PCDHGA3: variants seen among roughly 807,000 people sequenced by gnomAD.
PCDHGA3 encodes the protein protocadherin gamma-A3.
A neutral mutation model predicts 58.5 loss-of-function variants in PCDHGA3; 40 were observed. The observed-to-expected ratio is 0.68, with a 90% CI of 0.53 to 0.89. The LOEUF is 0.89. Among genes scored for constraint, PCDHGA3 ranks in the 40% least tolerant of loss-of-function variants. The probability of loss-of-function intolerance (pLI) is 0.00; values close to 1 mark genes in which losing one functional copy is unlikely to be tolerated. For missense variants in PCDHGA3, 1,223 were observed against 1,195.9 expected (o/e 1.02, Z -0.33); for synonymous variants, 530 against 525.7 (o/e 1.01, Z -0.11).
chr5:141,491,034 T>A lies in PCDHGA3; in HGVS notation c.2425-3773T>A. On this transcript the variant is annotated intron_variant, in intron 1 of 3. Coordinates refer to ENST00000253812, the MANE Select transcript of PCDHGA3 (RefSeq NM_018916.4). This position sits in a 1 kb window ranked among gnomAD's most constrained non-coding sequence, Gnocchi z 6.9. ...CCAAGGTGACAGCCGTGGATGCTGA[T>A]GCAGGCCACAATGCGTGGCTCTCCT... 1 of 1,614,170 alleles carries A rather than the reference T, an allele frequency of 6.2e-7. No individual in the cohort carries two copies. Among genetic ancestry groups the A allele is most frequent in the African/African-American group, 1.3e-5 (1 of 75,074 alleles).
At position 141,418,023 on chromosome 5, in the gene PCDHGA3, G is replaced by A. The variant is rs375588252; in HGVS notation, c.2424+71566G>A. 244 of 1,613,996 alleles carry A rather than the reference G, an allele frequency of 1.5e-4. No individual in the cohort carries two copies. The Middle Eastern group carries it at 3.5e-3, about 23-fold the overall frequency. On this transcript the variant is annotated intron_variant, in intron 1 of 3. Coordinates refer to ENST00000253812, the MANE Select transcript of PCDHGA3 (RefSeq NM_018916.4). ...GTGGGGAACCTCGCTAAGGATCTAGGGCTTAGTGTCCTGGATGTGTCGGCT... is the reference window on the plus strand; with the variant it reads ...GTGGGGAACCTCGCTAAGGATCTAGAGCTTAGTGTCCTGGATGTGTCGGCT...
intron 1 of PCDHGA3, chr5:141,370,305 G>A: frequency 2.5e-6 from 3 of 1,206,280 alleles, no homozygotes; most frequent in South Asian, 3.3e-5. Context: ...CAAAGACAAA[G>A]CAAATAGTTG....
chr5:141,352,801 C>A, intron 1 of PCDHGA3: 3 of 912,248 alleles, frequency 3.3e-6, no homozygotes, highest in Non-Finnish European at 4.9e-6. Context: ...ACCAGCATAG[C>A]CAAGATGGTA....
chr5:141,380,538 A>G (rs1365489089), intron 1 of PCDHGA3, among the ~76,000 whole-genome samples: 3 of 152,246 alleles, frequency 2.0e-5, no homozygotes, highest in Non-Finnish European at 4.4e-5. Flanking sequence ...TCAATTTGAT[A>G]CAATGAGCTT....
chr5:141,400,965 CTCTT>C (rs2094096418), intron 1 of PCDHGA3, among the ~76,000 whole-genome samples: 1 of 151,032 alleles, frequency 6.6e-6, no homozygotes, highest in Non-Finnish European at 1.5e-5. Flanking sequence ...TAGTTTTCAT[CTCTT>C]TCTTATGTTC....
At chr5:141,375,183 C>T (rs773640182) in intron 1 of PCDHGA3, 12 of 1,613,848 alleles carry the variant, frequency 7.4e-6, no homozygotes, top group Admixed American at 1.7e-5. Flanking sequence ...ACAGTAATCG[C>T]CCTTTTTCAA....
intron 1 of PCDHGA3, chr5:141,395,179 A>C: frequency 6.2e-7 from 1 of 1,614,164 alleles, no homozygotes; most frequent in South Asian, 1.1e-5. Flanking sequence ...GAGAAAAATG[A>C]TTCTTTGTTA....
rs750129951 is a variant in PCDHGA3 at position 141,375,757 on chromosome 5, T to C, written c.2424+29300T>C. The C allele has an allele frequency of 6.1e-5, 99 of 1,614,196 alleles. 1 individual carries two copies. The South Asian group carries it at 8.5e-4, about 14-fold the overall frequency. On this transcript the variant is annotated intron_variant, in intron 1 of 3. Coordinates refer to ENST00000253812, the MANE Select transcript of PCDHGA3 (RefSeq NM_018916.4). Reference sequence around the variant, plus strand: ...TGTTTGTGCTGGACCAGAATGACAATGCGCCCGAGATCCTGTACCCCGCCC... The same window carrying C: ...TGTTTGTGCTGGACCAGAATGACAACGCGCCCGAGATCCTGTACCCCGCCC...
chr5:141,399,642 G>T lies in PCDHGA3; in HGVS notation c.2424+53185G>T. 1.9e-6 allele frequency: 3 copies of T among 1,613,750 alleles called. 1 individual carries two copies. Among genetic ancestry groups the T allele is most frequent in the Non-Finnish European group, 2.5e-6 (3 of 1,179,856 alleles). ...TGGCCTCTTACGTGTCCATGAGCGC[G>T]CAAAGTGGGGTGGTGTTCGCGCAGC... On this transcript the variant is annotated intron_variant, in intron 1 of 3. Transcript: ENST00000253812.
intron 1 of PCDHGA3, chr5:141,374,675 G>A (rs1770710965): frequency 1.2e-6 from 2 of 1,610,644 alleles, no homozygotes; most frequent in South Asian, 1.1e-5. Flanking sequence ...GGTGCTGGAG[G>A]GCACACTGGA....
chr5:141,486,408 C>T lies in PCDHGA3; in HGVS notation c.2425-8399C>T. On this transcript the variant is annotated intron_variant, in intron 1 of 3. Coordinates refer to ENST00000253812, the MANE Select transcript of PCDHGA3 (RefSeq NM_018916.4). This position sits in a 1 kb window ranked among gnomAD's most constrained non-coding sequence, Gnocchi z 5.0. ...CAGTTCTCCCTGGTGACTGCTGGAC[C>T]CTTGGATCGAGAGGCCAAATCTAGC... is the stretch of plus-strand genomic sequence containing the variant. The T allele has an allele frequency of 1.2e-6, 2 of 1,614,156 alleles. No individual in the cohort carries two copies. Among genetic ancestry groups the T allele is most frequent in the South Asian group, 2.2e-5 (2 of 91,084 alleles).
At chr5:141,360,282 C>T (rs777627634) in intron 1 of PCDHGA3, 1 of 1,613,984 alleles carries the variant, frequency 6.2e-7, no homozygotes, top group Non-Finnish European at 8.5e-7. Flanking sequence ...TCGTAGGAAA[C>T]CTCGCCAAGG....
chr5:141,474,908 T>C (rs1016814167), intron 1 of PCDHGA3, among the ~76,000 whole-genome samples: 7 of 152,242 alleles, frequency 4.6e-5, no homozygotes, highest in African/African-American at 1.4e-4. Flanking sequence ...TGTTCAAGGA[T>C]ATACATCTCA....
chr5:141,374,273 G>A, intron 1 of PCDHGA3: 1 of 1,614,012 alleles, frequency 6.2e-7, no homozygotes, highest in South Asian at 1.1e-5. Flanking sequence ...GGAGCACGGA[G>A]TCCGCATCGT....
At chr5:141,355,046 A>T in intron 1 of PCDHGA3, 1 of 1,149,106 alleles carries the variant, frequency 8.7e-7, no homozygotes, top group Non-Finnish European at 1.2e-6. Context: ...CTGCAGCACA[A>T]AGCACTGGCT....
At chr5:141,418,481 C>G (rs1438009750) in intron 1 of PCDHGA3, 1 of 1,614,006 alleles carries the variant, frequency 6.2e-7, no homozygotes, top group Admixed American at 1.7e-5. Context: ...GCAGAGCGCT[C>G]ACCACTTGGT....
intron 1 of PCDHGA3, chr5:141,356,772 G>T: frequency 6.2e-7 from 1 of 1,614,022 alleles, no homozygotes; most frequent in Non-Finnish European, 8.5e-7. Context: ...ACTATGAGCA[G>T]TTTAGAGACC....
chr5:141,392,977 AC>A (rs1561639344), intron 1 of PCDHGA3: 1 of 1,613,678 alleles, frequency 6.2e-7, no homozygotes, highest in South Asian at 1.1e-5. Flanking sequence ...CTGGGGCTGG[AC>A]CCCCGGAAGC....
intron 1 of PCDHGA3, chr5:141,410,037 G>A: frequency 1.2e-6 from 2 of 1,613,250 alleles, no homozygotes; most frequent in Non-Finnish European, 1.7e-6. Flanking sequence ...CTGCAGGCCA[G>A]TGAGCCCGGA....
Sources: allele counts gnomAD v4.1 joint callset (sites outside exome capture counted in the v4.1 genomes callset), GRCh38; gene constraint gnomAD v4.1.1; non-coding constraint Gnocchi (gnomAD v3.1); transcripts MANE v1.5; gene names NCBI Gene and HGNC (gene_info 2026-07-23, HGNC 2026-07-21).